ZNF385D: variants seen among roughly 807,000 people sequenced by gnomAD.
ZNF385D encodes zinc finger protein 659.
In ZNF385D, 15 loss-of-function variants were observed where a neutral mutation model predicts 35.8. That is an observed-to-expected ratio of 0.42 (90% CI 0.28 to 0.64). The LOEUF is 0.64. ZNF385D is among the 30% of genes least tolerant of loss of function. ZNF385D has a pLI of 0.23. For missense variants in ZNF385D, 474 were observed against 494.6 expected, an observed-to-expected ratio of 0.96 and a Z score of 0.39; for synonymous variants, 212 against 186.8, an observed-to-expected ratio of 1.13 and a Z score of -1.10.
chr3:22,265,139 A>G (rs1303591775), intron 2 of ZNF385D, among the ~76,000 whole-genome samples: 1 of 152,020 alleles, frequency 6.6e-6, no homozygotes, highest in Non-Finnish European at 1.5e-5. Flanking sequence ...ACTAGTGAAG[A>G]AAACAAGCAT....
At chr3:21,933,581 GC>G (rs1249607286) in intron 3 of ZNF385D, among the ~76,000 whole-genome samples, 2 of 152,128 alleles carry the variant, frequency 1.3e-5, no homozygotes, top group Non-Finnish European at 1.5e-5. Context: ...ATGGCATTTA[GC>G]ATTAACATGG....
chr3:22,126,475 C>T (rs528843871), intron 3 of ZNF385D, among the ~76,000 whole-genome samples: 1 of 152,046 alleles, frequency 6.6e-6, no homozygotes, highest in East Asian at 1.9e-4. Context: ...TGTTTACTTT[C>T]CATGTGTACA....
At chr3:22,047,238 T>G (rs1300349826) in intron 3 of ZNF385D, among the ~76,000 whole-genome samples, 2 of 151,458 alleles carry the variant, frequency 1.3e-5, no homozygotes, top group Middle Eastern at 3.2e-3. Context: ...GCTCACATAC[T>G]TTTTTTTTGT....
intron 3 of ZNF385D, among the ~76,000 whole-genome samples, chr3:21,785,500 C>T (rs567618479): frequency 2.0e-5 from 3 of 152,092 alleles, no homozygotes; most frequent in African/African-American, 7.2e-5. Context: ...GTTGTGCATT[C>T]GATGTCCAGA....
At chr3:22,292,037 T>C (rs1329702511) in intron 2 of ZNF385D, among the ~76,000 whole-genome samples, 2 of 152,154 alleles carry the variant, frequency 1.3e-5, no homozygotes, top group South Asian at 4.1e-4. Flanking sequence ...TATTGGATAT[T>C]GGAGCCCTTC....
chr3:21,801,364 C>T (rs1051865029), intron 3 of ZNF385D, among the ~76,000 whole-genome samples: 1 of 152,126 alleles, frequency 6.6e-6, no homozygotes, highest in Admixed American at 6.6e-5. Context: ...GTTAGCTCCT[C>T]TGCCATGTTT....
chr3:22,074,542 G>C (rs1397352728), intron 3 of ZNF385D, among the ~76,000 whole-genome samples: 1 of 151,828 alleles, frequency 6.6e-6, no homozygotes, highest in East Asian at 1.9e-4. Flanking sequence ...CAGCCTGAAT[G>C]TTTCCCTTTT....
chr3:21,896,745 T>A (rs1268180494), intron 3 of ZNF385D, among the ~76,000 whole-genome samples: 2 of 152,128 alleles, frequency 1.3e-5, no homozygotes. Flanking sequence ...GAAGGGCTCA[T>A]GATATGATAT....
intron 2 of ZNF385D, among the ~76,000 whole-genome samples, chr3:21,617,598 A>T (rs961150766): frequency 6.6e-6 from 1 of 152,194 alleles, no homozygotes; most frequent in African/African-American, 2.4e-5. Flanking sequence ...AACCCAACAC[A>T]TGAAGTTAAG....
intron 6 of ZNF385D, among the ~76,000 whole-genome samples, chr3:21,424,656 T>TC (rs1323749483): frequency 1.3e-5 from 2 of 149,186 alleles, no homozygotes; most frequent in African/African-American, 4.9e-5. Flanking sequence ...CTTTTTTTTT[T>TC]CCGAGCTTTT....
chr3:22,068,817 A>G (rs987342021), intron 3 of ZNF385D, among the ~76,000 whole-genome samples: 14 of 152,234 alleles, frequency 9.2e-5, no homozygotes, highest in Non-Finnish European at 1.9e-4. Context: ...AACTGTGAAG[A>G]AAATGCTTCT....
chr3:21,582,926 C>T (rs1010715578), intron 2 of ZNF385D, among the ~76,000 whole-genome samples: 1 of 152,054 alleles, frequency 6.6e-6, no homozygotes, highest in Non-Finnish European at 1.5e-5. Flanking sequence ...TATAGGCACA[C>T]ACCACCACGC....
chr3:21,857,338 G>C (rs1410874942), intron 3 of ZNF385D, among the ~76,000 whole-genome samples: 3 of 152,110 alleles, frequency 2.0e-5, no homozygotes, highest in African/African-American at 7.2e-5. Flanking sequence ...TGCTCATAGT[G>C]TATCCTCAGG....
chr3:22,285,940 T>C (rs1272263979), intron 2 of ZNF385D, among the ~76,000 whole-genome samples: 1 of 152,064 alleles, frequency 6.6e-6, no homozygotes, highest in Non-Finnish European at 1.5e-5. Flanking sequence ...TACATATAAA[T>C]TCAGGTGACC....
chr3:21,732,152 T>C (rs1414011165), intron 1 of ZNF385D, among the ~76,000 whole-genome samples: 2 of 146,790 alleles, frequency 1.4e-5, no homozygotes, highest in African/African-American at 2.5e-5. Flanking sequence ...CAGGTTCAAG[T>C]GATTCTCCTG....
intron 3 of ZNF385D, among the ~76,000 whole-genome samples, chr3:21,859,837 C>T (rs1173451189): frequency 6.6e-6 from 1 of 151,680 alleles, no homozygotes; most frequent in Non-Finnish European, 1.5e-5. Flanking sequence ...CATTTGAAGC[C>T]CAAAGTGTAA....
At chr3:22,284,828 C>A (rs547044915) in intron 2 of ZNF385D, among the ~76,000 whole-genome samples, 2 of 152,014 alleles carry the variant, frequency 1.3e-5, no homozygotes, top group South Asian at 2.1e-4. Flanking sequence ...ATTTGGTATA[C>A]CTAAAAAAGA....
chr3:21,550,912 A>G (rs1327272548), intron 3 of ZNF385D, among the ~76,000 whole-genome samples: 3 of 152,234 alleles, frequency 2.0e-5, no homozygotes, highest in Non-Finnish European at 1.5e-5. Flanking sequence ...CTTCTGATTT[A>G]TCAAACAGTT....
intron 3 of ZNF385D, among the ~76,000 whole-genome samples, chr3:21,556,434 T>C (rs1333189700): frequency 1.3e-5 from 2 of 152,226 alleles, no homozygotes; most frequent in African/African-American, 2.4e-5. Flanking sequence ...TTCAGCTTTC[T>C]GCATATGGTT....
Sources: gnomAD v4.1 joint callset for allele counts (sites outside exome capture counted in the v4.1 genomes callset) on GRCh38, gnomAD v4.1.1 for gene constraint, MANE v1.5 for transcripts, NCBI Gene and HGNC (gene_info 2026-07-23, HGNC 2026-07-21) for gene names.